Variants in MCPH1 observed in about 807,000 individuals in gnomAD.
The protein encoded by MCPH1 is microcephalin.
In MCPH1, 104 loss-of-function variants were observed where a neutral mutation model predicts 84.5. The ratio of observed to expected loss-of-function variants is 1.23; its 90% CI spans 1.05 to 1.45. The LOEUF (loss-of-function observed/expected upper bound fraction) is 1.45, where lower values mean the gene tolerates loss of function less well. Ranked by LOEUF, MCPH1 falls within the 40% of genes most tolerant of loss-of-function variation. The pLI is 0.00. For missense variants in MCPH1, 1,498 were observed against 1,005.7 expected (o/e 1.49, Z -6.62); for synonymous variants, 514 against 366.8 (o/e 1.40, Z -4.58).
chr8:6,431,767 A>T (rs1801879177), intron 4 of MCPH1, among the ~76,000 whole-genome samples, 181 bp downstream of exon 4: 1 of 152,196 alleles, frequency 6.6e-6, no homozygotes, highest in Non-Finnish European at 1.5e-5. Flanking sequence ...TTATCCTATG[A>T]CTTCTTCGAT....
intron 12 of MCPH1, among the ~76,000 whole-genome samples, chr8:6,572,435 C>A (rs1315879333): frequency 6.6e-6 from 1 of 152,164 alleles, no homozygotes; most frequent in Non-Finnish European, 1.5e-5. Flanking sequence ...AAGCGACAGG[C>A]AAATCTATCC....
At chr8:6,558,211 T>C (rs1210567262) in intron 12 of MCPH1, among the ~76,000 whole-genome samples, 1 of 152,200 alleles carries the variant, frequency 6.6e-6, no homozygotes, top group Non-Finnish European at 1.5e-5. Flanking sequence ...AAATTTGGCA[T>C]TTTAAATAAA....
chr8:6,610,496 C>G (rs1306196653), intron 12 of MCPH1, among the ~76,000 whole-genome samples: 1 of 152,194 alleles, frequency 6.6e-6, no homozygotes, highest in Non-Finnish European at 1.5e-5. Context: ...TAGTTCGACT[C>G]TTAGCAAAAG....
intron 4 of MCPH1, among the ~76,000 whole-genome samples, chr8:6,433,824 A>G (rs1327752936): frequency 1.3e-5 from 2 of 151,848 alleles, no homozygotes; most frequent in African/African-American, 4.8e-5. Context: ...ACCCGACTCA[A>G]GGCCTTATTC....
rs906084442 is a variant in MCPH1, at chr8:6,446,260, G to A, written c.1825+713G>A. 3 of 981,810 alleles carry A rather than the reference G, an allele frequency of 3.1e-6. No homozygotes were observed. The South Asian group carries it at 1.4e-4, about 46-fold the overall frequency. 60.8% of individuals were successfully genotyped at this position (981,810 alleles called of 1,614,324 possible). The stretch of plus-strand genomic sequence containing the variant: ...ACTTCACAGTTATAAGCACAAATAG[G>A]TTCCAGCAACCAAAATTGAAGAAAT... On this transcript the variant is annotated intron_variant, in intron 8 of 13. Transcript: ENST00000344683.
Position 6,600,529 on chromosome 8 carries a change from G to A in MCPH1, c.2215-20925G>A, listed in dbSNP as rs2980676. On this transcript the variant is annotated intron_variant, in intron 12 of 13. Transcript: ENST00000344683. ...ACATCTCCAGCTTACAGCAGAGTCTGAGTGTCTCTAGCATACCTCTGACTG... is the reference window on the plus strand; with the variant it reads ...ACATCTCCAGCTTACAGCAGAGTCTAAGTGTCTCTAGCATACCTCTGACTG... 0.036 allele frequency among the ~76,000 whole-genome samples: 5,531 copies of A among 152,336 alleles called. 620 individuals are homozygous for A. The East Asian group carries it at 0.43, about 12-fold the overall frequency.
intron 12 of MCPH1, among the ~76,000 whole-genome samples, chr8:6,592,325 T>C (rs761044346): frequency 6.6e-5 from 10 of 151,920 alleles, no homozygotes; most frequent in Non-Finnish European, 1.5e-4. Flanking sequence ...CTAATTATTT[T>C]TGGTAGAGAC....
At chr8:6,573,804 A>G (rs1207224110) in intron 12 of MCPH1, among the ~76,000 whole-genome samples, 1 of 152,058 alleles carries the variant, frequency 6.6e-6, no homozygotes, top group Non-Finnish European at 1.5e-5. Flanking sequence ...AAACAGAACT[A>G]AAAGAGGGGA....
At chr8:6,567,570 G>A (rs1826300326) in intron 12 of MCPH1, among the ~76,000 whole-genome samples, 1 of 152,208 alleles carries the variant, frequency 6.6e-6, no homozygotes, top group African/African-American at 2.4e-5. Flanking sequence ...ATGCAAGTGT[G>A]CATGGATGGG....
chr8:6,465,522 C>G (rs758426687), intron 9 of MCPH1, among the ~76,000 whole-genome samples: 36 of 152,142 alleles, frequency 2.4e-4, no homozygotes, highest in Non-Finnish European at 1.5e-5. Context: ...GGAAGTCTTC[C>G]TGGGAGGTTT....
At chr8:6,471,341 T>C (rs1585965651) in intron 9 of MCPH1, among the ~76,000 whole-genome samples, 3 of 152,338 alleles carry the variant, frequency 2.0e-5, no homozygotes, top group Admixed American at 2.0e-4. Context: ...TATGTCCTGG[T>C]AACTAGGAAG....
rs550746275 is a variant in MCPH1 at position 6,451,349 on chromosome 8, T to C, written c.1826-3794T>C. The stretch of plus-strand genomic sequence containing the variant: ...CTCCGTATCTACTATGTCCAATGTA[T>C]AAACAGTGAGAGAGGTAAGGTTAAT... On this transcript the variant is annotated intron_variant, in intron 8 of 13. Transcript: ENST00000344683. Among the ~76,000 whole-genome samples, 4 of 152,334 alleles carry C rather than the reference T, an allele frequency of 2.6e-5. No individual in the cohort carries two copies. The South Asian group carries it at 8.3e-4, about 32-fold the overall frequency.
intron 12 of MCPH1, among the ~76,000 whole-genome samples, chr8:6,506,736 G>A (rs931835769): frequency 1.3e-5 from 2 of 151,108 alleles, no homozygotes; most frequent in African/African-American, 4.9e-5. Flanking sequence ...AGGACCTGTG[G>A]TACCAAATAG....
chr8:6,562,335 AC>A (rs1825660284), intron 12 of MCPH1, among the ~76,000 whole-genome samples: 1 of 152,054 alleles, frequency 6.6e-6, no homozygotes, highest in Non-Finnish European at 1.5e-5. Context: ...AACAAACAGA[AC>A]GGCACACAAG....
chr8:6,553,118 A>G (rs975911478), intron 12 of MCPH1, among the ~76,000 whole-genome samples: 9 of 152,112 alleles, frequency 5.9e-5, no homozygotes, highest in African/African-American at 1.9e-4. Context: ...TGATGGGTCA[A>G]TGTAGATTCA....
chr8:6,637,841 G>A (rs1797670073), intron 13 of MCPH1, among the ~76,000 whole-genome samples: 3 of 152,120 alleles, frequency 2.0e-5, no homozygotes, highest in Admixed American at 2.0e-4. Flanking sequence ...TGGGGGTTAG[G>A]ACCAGGGACG....
intron 11 of MCPH1, among the ~76,000 whole-genome samples, chr8:6,485,174 A>C (rs1014187826): frequency 1.3e-5 from 2 of 152,016 alleles, no homozygotes; most frequent in African/African-American, 2.4e-5. Flanking sequence ...AAAATAGAAA[A>C]ATTAGCTGGG....
At position 6,420,875 on chromosome 8, in the gene MCPH1, T is replaced by C. The variant is rs550931944; in HGVS notation, c.233+5992T>C. Reference sequence around the variant, plus strand: ...AAAGAAAGAATTCCACGGAGGAGCATAAGGCAAAAGAAGAGACTGACGCAA... The same window carrying C: ...AAAGAAAGAATTCCACGGAGGAGCACAAGGCAAAAGAAGAGACTGACGCAA... On this transcript the variant is annotated intron_variant, in intron 3 of 13. Transcript: ENST00000344683. 3.2e-4 allele frequency among the ~76,000 whole-genome samples: 49 copies of C among 152,228 alleles called. 1 individual carries two copies. The highest frequency in any genetic ancestry group is 1.0e-3 in the African/African-American group (42 of 41,552).
rs975434723 is a variant in MCPH1 at position 6,531,692 on chromosome 8, C to T, written c.2214+31763C>T. Among the ~76,000 whole-genome samples the T allele has an allele frequency of 3.3e-5, 5 of 152,150 alleles. No homozygotes were observed. In the South Asian group the frequency reaches 8.3e-4, roughly 25 times the overall value. On this transcript the variant is annotated intron_variant, in intron 12 of 13. Transcript: ENST00000344683. ...TTAGCAATCACTTGTCTGGCCCAAC[C>T]CTTTATATTATTTGAGGCCCAGAAA...
Sources: allele counts gnomAD v4.1 joint callset (sites outside exome capture counted in the v4.1 genomes callset), GRCh38; gene constraint gnomAD v4.1.1; transcripts MANE v1.5; gene names NCBI Gene and HGNC (gene_info 2026-07-23, HGNC 2026-07-21).